Variants in CDIN1 observed in about 807,000 individuals in gnomAD.
CDIN1 encodes the protein CDAN1-interacting nuclease 1.
In CDIN1, 33 loss-of-function variants were observed where a neutral mutation model predicts 45.3. The ratio of observed to expected loss-of-function variants is 0.73; its 90% CI spans 0.55 to 0.97. The LOEUF is 0.97. Ranked by LOEUF, CDIN1 falls within the 50% of genes least tolerant of loss-of-function variation. The probability of loss-of-function intolerance (pLI) is 0.00; values close to 1 mark genes in which losing one functional copy is unlikely to be tolerated. For missense variants in CDIN1, 303 were observed against 339.4 expected (o/e 0.89, Z 0.84); for synonymous variants, 118 against 124.4 (o/e 0.95, Z 0.34).
At chr15:36,679,528 T>A (rs1342215223) in intron 5 of CDIN1, among the ~76,000 whole-genome samples, 1 of 152,198 alleles carries the variant, frequency 6.6e-6, no homozygotes, top group Non-Finnish European at 1.5e-5. Flanking sequence ...TTCTAGACTC[T>A]GCTCATAACC....
intron 10 of CDIN1, among the ~76,000 whole-genome samples, chr15:36,785,577 AC>A (rs1257854913): frequency 6.6e-6 from 1 of 152,184 alleles, no homozygotes; most frequent in East Asian, 1.9e-4. Flanking sequence ...AAGAAGAGCC[AC>A]TGATCAGTGC....
In CDIN1 at chr15:36,654,174, T is replaced by C. The variant is rs908046183; in HGVS notation, c.273+16T>C. On this transcript the variant is annotated intron_variant, in intron 4 of 10. Coordinates refer to ENST00000566621, the MANE Select transcript of CDIN1 (RefSeq NM_001321759.2). ...GGCCAATGAGGTAATGTTATTGTTATGATTTTATTTAAACCTGCGTGTAAC... is the reference window on the plus strand; with the variant it reads ...GGCCAATGAGGTAATGTTATTGTTACGATTTTATTTAAACCTGCGTGTAAC... 2.6e-6 allele frequency: 4 copies of C among 1,556,890 alleles called. No individual in the cohort carries two copies. Among genetic ancestry groups the C allele is most frequent in the South Asian group, 1.2e-5 (1 of 84,614 alleles).
intron 1 of CDIN1, among the ~76,000 whole-genome samples, chr15:36,606,399 T>C (rs953512952): frequency 1.3e-5 from 2 of 152,118 alleles, no homozygotes; most frequent in Admixed American, 6.5e-5. Flanking sequence ...GGAATGAAGT[T>C]TGGGACTCTG....
chr15:36,692,104 C>T (rs1348180401), intron 6 of CDIN1, 22 bp from the exon 7 acceptor site: 6 of 1,612,724 alleles, frequency 3.7e-6, no homozygotes, highest in Middle Eastern at 1.7e-4. Context: ...CACCCCAGAC[C>T]CCTTTTCTTA....
At chr15:36,623,270 A>G (rs1015988163) in intron 1 of CDIN1, among the ~76,000 whole-genome samples, 4 of 152,348 alleles carry the variant, frequency 2.6e-5, no homozygotes, top group East Asian at 1.9e-4. Context: ...AAGGATGAAG[A>G]AATCACCTAT....
chr15:36,768,915 C>T (rs2053995299), intron 10 of CDIN1, among the ~76,000 whole-genome samples: 1 of 152,048 alleles, frequency 6.6e-6, no homozygotes, highest in Non-Finnish European at 1.5e-5. Context: ...TCTAAAGACC[C>T]AGTTGTCATT....
At chr15:36,724,305 A>G (rs2043541164) in intron 10 of CDIN1, among the ~76,000 whole-genome samples, 1 of 152,218 alleles carries the variant, frequency 6.6e-6, no homozygotes, top group South Asian at 2.1e-4. Flanking sequence ...AGTAGTGGAA[A>G]TGGAAGGGGA....
chr15:36,711,849 G>T (rs964612046), intron 10 of CDIN1, among the ~76,000 whole-genome samples: 1 of 152,126 alleles, frequency 6.6e-6, no homozygotes, highest in East Asian at 1.9e-4. Context: ...GTTTGAAATG[G>T]AACTTTGGGG....
At chr15:36,729,566 C>T (rs981588928) in intron 10 of CDIN1, among the ~76,000 whole-genome samples, 1 of 152,162 alleles carries the variant, frequency 6.6e-6, no homozygotes, top group African/African-American at 2.4e-5. Context: ...GTCATGAATA[C>T]TCATAGGCAA....
At position 36,657,832 on chromosome 15, in the gene CDIN1, G is replaced by A; in HGVS notation, c.274-1G>A. ...TAATTTTCTACTTCTGTTTTATAAA[G>A]GTGGACTATGCGCCCTCATTAATGG... On this transcript the variant is annotated splice_acceptor_variant, in intron 4 of 10. Transcript: ENST00000566621. LOFTEE classifies it high-confidence loss of function. The A allele has an allele frequency of 6.2e-7, 1 of 1,609,502 alleles. No individual in the cohort carries two copies. Among genetic ancestry groups the A allele is most frequent in the South Asian group, 1.1e-5 (1 of 89,998 alleles).
intron 1 of CDIN1, among the ~76,000 whole-genome samples, chr15:36,602,396 G>A (rs1037228461): frequency 6.6e-6 from 1 of 152,210 alleles, no homozygotes; most frequent in African/African-American, 2.4e-5. Flanking sequence ...CTTTTGGCAA[G>A]TATTTTTGGA....
At chr15:36,648,425 C>CCAT (rs2040433735) in intron 3 of CDIN1, among the ~76,000 whole-genome samples, 1 of 58,314 alleles carries the variant, frequency 1.7e-5, no homozygotes, top group African/African-American at 6.7e-5. Flanking sequence ...TTCCAATATT[C>CCAT]TATTTTTTTT....
chr15:36,625,521 A>G (rs1352274819), intron 1 of CDIN1, among the ~76,000 whole-genome samples: 1 of 152,212 alleles, frequency 6.6e-6, no homozygotes, highest in Non-Finnish European at 1.5e-5. Context: ...TATAAGCAAA[A>G]CCAGAAAATA....
At chr15:36,770,427 C>CGA (rs1555406619) in intron 10 of CDIN1, among the ~76,000 whole-genome samples, 9 of 151,006 alleles carry the variant, frequency 6.0e-5, no homozygotes, top group African/African-American at 9.8e-5. Context: ...CAATCTCTTT[C>CGA]TGATGATGAT....
At chr15:36,767,776 C>T (rs1478704037) in intron 10 of CDIN1, among the ~76,000 whole-genome samples, 1 of 152,120 alleles carries the variant, frequency 6.6e-6, no homozygotes, top group Non-Finnish European at 1.5e-5. Context: ...ACTTGAAATT[C>T]AAATGTATTG....
intron 10 of CDIN1, among the ~76,000 whole-genome samples, chr15:36,721,260 C>T (rs1350525744): frequency 1.3e-5 from 2 of 152,122 alleles, no homozygotes; most frequent in African/African-American, 2.4e-5. Context: ...TTTTGCTGTG[C>T]AGAAGCTCTT....
intron 10 of CDIN1, among the ~76,000 whole-genome samples, chr15:36,720,037 G>T (rs553850604): frequency 6.8e-6 from 1 of 148,094 alleles, no homozygotes; most frequent in South Asian, 2.1e-4. Flanking sequence ...CCATTTTATT[G>T]TTCTTCTAAA....
chr15:36,722,407 C>T (rs2039622173), intron 10 of CDIN1, among the ~76,000 whole-genome samples: 1 of 151,026 alleles, frequency 6.6e-6, no homozygotes, highest in African/African-American at 2.4e-5. Context: ...TTTTCATTTA[C>T]AACTTTATGC....
At chr15:36,772,331 A>C (rs1187049958) in intron 10 of CDIN1, among the ~76,000 whole-genome samples, 1 of 152,204 alleles carries the variant, frequency 6.6e-6, no homozygotes, top group East Asian at 1.9e-4. Flanking sequence ...GGATATATGA[A>C]TACATTTGAT....
Sources: allele counts gnomAD v4.1 joint callset (sites outside exome capture counted in the v4.1 genomes callset), GRCh38; gene constraint gnomAD v4.1.1; transcripts MANE v1.5; gene names NCBI Gene and HGNC (gene_info 2026-07-23, HGNC 2026-07-21).